The following PTPRT variants were observed in gnomAD, a reference collection of about 807,000 sequenced individuals.
PTPRT encodes the protein receptor-type tyrosine-protein phosphatase T.
A neutral mutation model predicts 176.8 loss-of-function variants in PTPRT; 56 were observed. The observed-to-expected ratio is 0.32, with a 90% CI of 0.26 to 0.40. The LOEUF is 0.40. Ranked by LOEUF, PTPRT falls within the 10% of genes least tolerant of loss-of-function variation. The probability of loss-of-function intolerance (pLI) is 1.00; values close to 1 mark genes in which losing one functional copy is unlikely to be tolerated. For synonymous variants in PTPRT, 783 were observed against 739.0 expected (o/e 1.06, Z -0.96); for missense variants, 1,540 against 1,908.2 (o/e 0.81, Z 3.60).
At chr20:42,560,240 T>G (rs1334998224) in intron 7 of PTPRT, among the ~76,000 whole-genome samples, 1 of 152,184 alleles carries the variant, frequency 6.6e-6, no homozygotes, top group Admixed American at 6.5e-5. Context: ...TCTGGTTATA[T>G]TCAGCCAATA....
intron 1 of PTPRT, among the ~76,000 whole-genome samples, chr20:42,987,310 A>G (rs931167721): frequency 3.3e-5 from 5 of 152,214 alleles, no homozygotes; most frequent in African/African-American, 1.2e-4. Flanking sequence ...CTGACATTAA[A>G]TAAAATGTCA....
At chr20:42,600,841 T>C (rs1461158957) in intron 7 of PTPRT, among the ~76,000 whole-genome samples, 1 of 152,226 alleles carries the variant, frequency 6.6e-6, no homozygotes, top group Non-Finnish European at 1.5e-5. Context: ...CACATTTTCT[T>C]TATCCAGTCC....
At chr20:42,935,405 A>C (rs1980126328) in intron 1 of PTPRT, among the ~76,000 whole-genome samples, 1 of 152,060 alleles carries the variant, frequency 6.6e-6, no homozygotes, top group Admixed American at 6.6e-5. Context: ...GTCCAAAAGC[A>C]ATGGGATTAC....
In PTPRT at chr20:43,133,939, G is replaced by C. The variant is rs6030667; in HGVS notation, c.88+55707C>G. ...GTGATAGGTGATAATGGTGCTGCTG[G>C]TCCAGGCACTACACTTTGAAAACTC... On this transcript the variant is annotated intron_variant, in intron 1 of 30. Coordinates refer to ENST00000373187, the MANE Select transcript of PTPRT (RefSeq NM_007050.6). 5.8e-3 allele frequency among the ~76,000 whole-genome samples: 880 copies of C among 152,148 alleles called. 7 individuals are homozygous for C. Among genetic ancestry groups the C allele is most frequent in the African/African-American group, 0.02 (837 of 41,494 alleles).
chr20:42,094,430 CT>C lies in PTPRT; in HGVS notation c.3846+3990del, dbSNP rs367976434. On this transcript the variant is annotated intron_variant, in intron 27 of 30. Coordinates refer to ENST00000373187, the MANE Select transcript of PTPRT (RefSeq NM_007050.6). ...ATCATTGACATTATCCTTCATTCCT[CT>C]TTCTTTTTTTGACAGGGTCTTACTC... 2.0e-4 allele frequency among the ~76,000 whole-genome samples: 30 copies of C among 152,276 alleles called. No individual in the cohort carries two copies. The South Asian group carries it at 5.4e-3, about 27-fold the overall frequency.
chr20:42,417,274 C>T (rs575568581), intron 9 of PTPRT, among the ~76,000 whole-genome samples: 1 of 152,234 alleles, frequency 6.6e-6, no homozygotes, highest in South Asian at 2.1e-4. Context: ...GATACAATGG[C>T]AGACAAAATA....
chr20:42,433,990 C>T (rs1454267526), intron 9 of PTPRT, among the ~76,000 whole-genome samples: 2 of 151,928 alleles, frequency 1.3e-5, no homozygotes, highest in East Asian at 3.9e-4. Flanking sequence ...TAAATACGGT[C>T]CATATGTTCA....
chr20:42,960,631 T>C (rs532553271), intron 1 of PTPRT, among the ~76,000 whole-genome samples: 25 of 152,296 alleles, frequency 1.6e-4, no homozygotes, highest in African/African-American at 5.5e-4. Flanking sequence ...CATCTGTCAC[T>C]GTTTCCTCTC....
At chr20:42,285,718 T>C (rs2057217947) in intron 12 of PTPRT, among the ~76,000 whole-genome samples, 1 of 151,038 alleles carries the variant, frequency 6.6e-6, no homozygotes, top group South Asian at 2.1e-4. Flanking sequence ...TTTAAGGGCA[T>C]CCAAATTGGA....
chr20:42,932,289 G>A (rs1259773488), intron 1 of PTPRT, among the ~76,000 whole-genome samples: 2 of 152,324 alleles, frequency 1.3e-5, no homozygotes, highest in East Asian at 3.9e-4. Context: ...CTCTGATAAG[G>A]CAGACATCAC....
intron 1 of PTPRT, among the ~76,000 whole-genome samples, chr20:42,924,435 T>A (rs1389890745): frequency 6.6e-6 from 1 of 152,172 alleles, no homozygotes; most frequent in African/African-American, 2.4e-5. Flanking sequence ...ACCAGCATTG[T>A]GAACCTCGGG....
intron 7 of PTPRT, among the ~76,000 whole-genome samples, chr20:42,501,707 A>C (rs2071753361): frequency 6.6e-6 from 1 of 152,212 alleles, no homozygotes; most frequent in Admixed American, 6.6e-5. Context: ...GTTTTTACAT[A>C]GAAAGTTTGC....
intron 7 of PTPRT, among the ~76,000 whole-genome samples, chr20:42,507,810 G>A (rs1220276867): frequency 2.0e-5 from 3 of 151,438 alleles, no homozygotes; most frequent in Non-Finnish European, 2.9e-5. Flanking sequence ...CAGGGTAGCC[G>A]GTCAGGTCCC....
intron 7 of PTPRT, among the ~76,000 whole-genome samples, chr20:42,504,486 ATT>A (rs2071809437): frequency 2.0e-5 from 3 of 152,186 alleles, no homozygotes; most frequent in African/African-American, 7.2e-5. Context: ...ATAACTGAAA[ATT>A]AAAATCTTAT....
At chr20:42,159,533 C>T (rs949819844) in intron 17 of PTPRT, among the ~76,000 whole-genome samples, 1 of 151,902 alleles carries the variant, frequency 6.6e-6, no homozygotes, top group Non-Finnish European at 1.5e-5. Flanking sequence ...TCACATGCAC[C>T]CTATGTCCCA....
intron 16 of PTPRT, among the ~76,000 whole-genome samples, chr20:42,182,176 T>C (rs866807248): frequency 6.6e-6 from 1 of 152,166 alleles, no homozygotes; most frequent in Admixed American, 6.5e-5. Flanking sequence ...AGAAGTCATG[T>C]CATTCTGAGC....
chr20:42,175,280 T>C (rs186588504), intron 16 of PTPRT, among the ~76,000 whole-genome samples: 1 of 152,166 alleles, frequency 6.6e-6, no homozygotes, highest in African/African-American at 2.4e-5. Context: ...ATTTGCCTCA[T>C]CTTGTGTCTC....
chr20:42,825,946 G>A (rs989714375), intron 2 of PTPRT, among the ~76,000 whole-genome samples: 2 of 152,048 alleles, frequency 1.3e-5, no homozygotes, highest in African/African-American at 2.4e-5. Flanking sequence ...ACCTAGGGCT[G>A]AAAACAAAAT....
At chr20:42,968,018 C>T (rs1225718646) in intron 1 of PTPRT, among the ~76,000 whole-genome samples, 1 of 152,130 alleles carries the variant, frequency 6.6e-6, no homozygotes, top group Non-Finnish European at 1.5e-5. Context: ...ACAAATTCCC[C>T]CAAATCCCCT....
Sources: allele counts gnomAD v4.1 joint callset (sites outside exome capture counted in the v4.1 genomes callset), GRCh38; gene constraint gnomAD v4.1.1; transcripts MANE v1.5; gene names NCBI Gene and HGNC (gene_info 2026-07-23, HGNC 2026-07-21).